USH2A: variants seen among roughly 807,000 people sequenced by gnomAD.
USH2A encodes the protein usherin, also known as Usher syndrome 2A (autosomal recessive, mild).
A neutral mutation model predicts 538.9 loss-of-function variants in USH2A; 443 were observed. The observed-to-expected ratio is 0.82, with a 90% CI of 0.76 to 0.89. USH2A has a LOEUF of 0.89. Among genes scored for constraint, USH2A ranks in the 40% least tolerant of loss-of-function variants. The pLI, the probability that USH2A is intolerant of heterozygous loss-of-function variation, is 0.00. For synonymous variants in USH2A, 2,413 were observed against 2,273.5 expected (o/e 1.06, Z -1.75); for missense variants, 6,633 against 6,324.8 (o/e 1.05, Z -1.65).
At chr1:216,333,409 AGT>A (rs2037907412) in intron 4 of USH2A, among the ~76,000 whole-genome samples, 1 of 152,140 alleles carries the variant, frequency 6.6e-6, no homozygotes, top group Non-Finnish European at 1.5e-5. Context: ...GAGATTATTC[AGT>A]GTGAGCAATA....
At chr1:215,880,944 A>G (rs1664889096) in intron 41 of USH2A, among the ~76,000 whole-genome samples, 1 of 152,164 alleles carries the variant, frequency 6.6e-6, no homozygotes, top group African/African-American at 2.4e-5. Flanking sequence ...ATAAGGTATA[A>G]AAATACCAAA....
At chr1:216,059,847 A>C (rs1405145146) in intron 30 of USH2A, among the ~76,000 whole-genome samples, 3 of 152,184 alleles carry the variant, frequency 2.0e-5, no homozygotes, top group African/African-American at 7.2e-5. Flanking sequence ...GGGGCATGAC[A>C]GAGTGGGAGG....
At chr1:215,909,906 G>A (rs1315609653) in intron 38 of USH2A, among the ~76,000 whole-genome samples, 5 of 151,872 alleles carry the variant, frequency 3.3e-5, no homozygotes, top group African/African-American at 9.7e-5. Context: ...TCTAAGGGAG[G>A]GACACTTGGT....
intron 35 of USH2A, among the ~76,000 whole-genome samples, chr1:215,978,902 T>C (rs1254256252): frequency 6.6e-6 from 1 of 152,146 alleles, no homozygotes; most frequent in Non-Finnish European, 1.5e-5. Context: ...TGCCTAGAAG[T>C]AAGAAAGTGC....
At chr1:216,153,121 CCAG>C (rs1224489443) in intron 21 of USH2A, among the ~76,000 whole-genome samples, 1 of 152,150 alleles carries the variant, frequency 6.6e-6, no homozygotes, top group Non-Finnish European at 1.5e-5. Context: ...CCACCTCCAT[CCAG>C]CAATAAAATC....
At chr1:215,891,516 A>C (rs1197961579) in intron 40 of USH2A, among the ~76,000 whole-genome samples, 7 of 152,224 alleles carry the variant, frequency 4.6e-5, no homozygotes, top group Non-Finnish European at 8.8e-5. Flanking sequence ...AATTATGTAA[A>C]ACATGAGTAA....
At chr1:215,943,483 A>G (rs1408546186) in intron 37 of USH2A, among the ~76,000 whole-genome samples, 1 of 152,190 alleles carries the variant, frequency 6.6e-6, no homozygotes, top group Non-Finnish European at 1.5e-5. Flanking sequence ...GATAATAGGT[A>G]TGTAGAAAGA....
chr1:215,859,627 G>C (rs1233522626), intron 44 of USH2A, among the ~76,000 whole-genome samples: 1 of 152,040 alleles, frequency 6.6e-6, no homozygotes, highest in Non-Finnish European at 1.5e-5. Flanking sequence ...TGCTGGACTT[G>C]AGTATGCACA....
chr1:216,246,648 T>A lies in USH2A; in HGVS notation c.2746A>T (p.Ile916Phe), dbSNP rs373501682. Residue 916 changes from isoleucine to phenylalanine, a missense_variant, in exon 13 of 72, where the codon ATC (isoleucine) becomes TTC (phenylalanine). Transcript: ENST00000307340. ...GGCACACACAGGCACTGGCCACTGA[T>A]TGGGTCACAAATGGTCCCAGGTAAT... Reference protein sequence around the residue: ...GTLPGTICDPISGQCLCVPNR... With the variant: ...GTLPGTICDPFSGQCLCVPNR... 2 of 1,614,108 alleles carry A rather than the reference T, an allele frequency of 1.2e-6. No homozygotes were observed. Among genetic ancestry groups the A allele is most frequent in the East Asian group, 4.5e-5 (2 of 44,856 alleles).
At chr1:215,976,270 ACTT>A (rs1438626715) in intron 35 of USH2A, among the ~76,000 whole-genome samples, 21 of 152,260 alleles carry the variant, frequency 1.4e-4, no homozygotes, top group African/African-American at 4.8e-4. Flanking sequence ...AGATAGTTTT[ACTT>A]CTTCTTTTCC....
chr1:216,046,307 A>T, intron 32 of USH2A, 124 bp downstream of exon 32: 2 of 1,034,282 alleles, frequency 1.9e-6, no homozygotes, highest in Admixed American at 4.5e-5. Context: ...TTTTTCACAT[A>T]TTTCCTAAGC....
chr1:215,808,015 G>C (rs758422928), intron 49 of USH2A, among the ~76,000 whole-genome samples: 1 of 151,996 alleles, frequency 6.6e-6, no homozygotes, highest in Non-Finnish European at 1.5e-5. Context: ...ACAACTAAGA[G>C]GTGAAAGAAA....
At chr1:216,046,004 C>T (rs1402332234) in intron 32 of USH2A, among the ~76,000 whole-genome samples, 2 of 102,624 alleles carry the variant, frequency 1.9e-5, no homozygotes, top group African/African-American at 7.3e-5. Flanking sequence ...CTCTATTTAT[C>T]TGGTGTGTGT....
chr1:215,837,222 A>T (rs1334120878), intron 47 of USH2A, among the ~76,000 whole-genome samples: 5 of 152,120 alleles, frequency 3.3e-5, no homozygotes, highest in African/African-American at 1.2e-4. Context: ...GAATTGAAAC[A>T]TTAATAATAG....
chr1:216,104,192 A>G (rs977315512), intron 21 of USH2A, among the ~76,000 whole-genome samples: 1 of 151,886 alleles, frequency 6.6e-6, no homozygotes, highest in Non-Finnish European at 1.5e-5. Context: ...CATTAGGTAT[A>G]TCTCCAAATG....
chr1:215,795,394 C>A (rs1340639447), intron 50 of USH2A, among the ~76,000 whole-genome samples: 2 of 152,068 alleles, frequency 1.3e-5, no homozygotes, highest in Non-Finnish European at 2.9e-5. Context: ...CTGTGTATAA[C>A]CTTGTAGGCA....
chr1:216,415,963 G>A (rs1180499664), intron 3 of USH2A, among the ~76,000 whole-genome samples: 5 of 151,912 alleles, frequency 3.3e-5, no homozygotes, highest in Admixed American at 6.6e-5. Flanking sequence ...TCAGGAATTC[G>A]AGACCAGCCT....
intron 11 of USH2A, among the ~76,000 whole-genome samples, chr1:216,264,388 C>T (rs550328559): frequency 2.1e-4 from 32 of 152,134 alleles, no homozygotes; most frequent in African/African-American, 7.5e-4. Context: ...ACCTCCACCT[C>T]CTGGGTTCAA....
At chr1:216,088,604 G>T (rs1190930059) in intron 23 of USH2A, among the ~76,000 whole-genome samples, 1 of 152,136 alleles carries the variant, frequency 6.6e-6, no homozygotes, top group Non-Finnish European at 1.5e-5. Flanking sequence ...TCCCAAGAAT[G>T]CTTCCTCTCA....
Sources: gnomAD v4.1 joint callset for allele counts (sites outside exome capture counted in the v4.1 genomes callset) on GRCh38, gnomAD v4.1.1 for gene constraint, MANE v1.5 for transcripts, NCBI Gene and HGNC (gene_info 2026-07-23, HGNC 2026-07-21) for gene names.